Variants in B9D1 observed in about 807,000 individuals in gnomAD.
B9D1 encodes the protein B9 domain-containing protein 1.
A neutral mutation model predicts 26.1 loss-of-function variants in B9D1; 20 were observed. That is an observed-to-expected ratio of 0.77 (90% CI 0.54 to 1.12). B9D1 has a LOEUF of 1.12. Among genes scored for constraint, B9D1 ranks in the 50% most tolerant of loss-of-function variants. B9D1 has a pLI of 0.00. For synonymous variants in B9D1, 105 were observed against 103.1 expected (o/e 1.02, Z -0.11); for missense variants, 260 against 273.7 (o/e 0.95, Z 0.35).
At chr17:19,341,697 G>A (rs185763271), downstream of B9D1, among the ~76,000 whole-genome samples, 2 of 152,334 alleles carry the variant, frequency 1.3e-5, no homozygotes, top group Non-Finnish European at 1.5e-5. Flanking sequence ...TGGATGGAAC[G>A]CGAGCCGTTG....
At chr17:19,361,903 C>T (rs1435694600) in intron 1 of B9D1, among the ~76,000 whole-genome samples, 1 of 152,180 alleles carries the variant, frequency 6.6e-6, no homozygotes, top group Non-Finnish European at 1.5e-5. Flanking sequence ...TCTGGTAAGG[C>T]TGTAAGGGTG....
intron 3 of B9D1, among the ~76,000 whole-genome samples, chr17:19,352,614 C>T (rs1345030167): frequency 2.0e-5 from 3 of 150,842 alleles, no homozygotes; most frequent in East Asian, 2.0e-4. Flanking sequence ...CTCCACCTCC[C>T]GGGTTCAAGT....
upstream of B9D1, chr17:19,363,025 A>C: frequency 4.6e-6 from 1 of 217,688 alleles, no homozygotes; most frequent in Non-Finnish European, 9.7e-6. Flanking sequence ...ACATTCAGCC[A>C]CTAGATGTCG....
chr17:19,357,582 C>T (rs972127921), intron 3 of B9D1: 19 of 515,720 alleles, frequency 3.7e-5, no homozygotes, highest in African/African-American at 2.9e-4. Context: ...CTTTTACAGG[C>T]GTGGCCACTA....
At chr17:19,360,455 G>A in intron 1 of B9D1, 67 bp from the exon 2 acceptor site, 1 of 1,433,640 alleles carries the variant, frequency 7.0e-7, no homozygotes, top group Non-Finnish European at 9.8e-7. Context: ...TTGCTAGGCA[G>A]GTGCAGCCAA....
chr17:19,347,436 C>A lies in B9D1; in HGVS notation c.342-105G>T. On this transcript the variant is annotated intron_variant, in intron 4 of 6. Coordinates refer to ENST00000261499, the MANE Select transcript of B9D1 (RefSeq NM_015681.6). The surrounding 1 kb of genome is among the most constrained non-coding windows in gnomAD (Gnocchi z 4.3). ...AGGCCAGTGCAGCTGCAGCGTGGGC[C>A]AAGTCAGGGCCAATGTCAACGAATC... The A allele has an allele frequency of 2.2e-6, 3 of 1,338,710 alleles. No individual in the cohort carries two copies. In the South Asian group the frequency reaches 3.6e-5, roughly 16 times the overall value. The allele number at this position is 1,338,710 out of a possible 1,614,324, so 82.9% of individuals were successfully genotyped here.
chr17:19,370,865 A>G lies in B9D1; in HGVS notation c.-298+6994T>C, dbSNP rs1484922029. 6.6e-6 allele frequency among the ~76,000 whole-genome samples: 1 copy of G among 152,218 alleles called. No individual in the cohort carries two copies. Among genetic ancestry groups the G allele is most frequent in the East Asian group, 1.9e-4 (1 of 5,196 alleles). ...CTTTCCCACGGGGAGGGCCGCATGC[A>G]AATGCCACACTGAGCTGAGCCAAGG... On this transcript the variant is annotated intron_variant, in intron 1 of 5. Coordinates refer to the B9D1 transcript ENST00000477478. The surrounding 1 kb of genome is among the most constrained non-coding windows in gnomAD (Gnocchi z 5.1).
At chr17:19,361,455 G>C (rs1426949983) in intron 1 of B9D1, among the ~76,000 whole-genome samples, 2 of 152,144 alleles carry the variant, frequency 1.3e-5, no homozygotes, top group South Asian at 2.1e-4. Flanking sequence ...GGGAGGTGCT[G>C]AGAGCAGAGC....
intron 5 of B9D1, chr17:19,346,839 C>T: frequency 8.3e-7 from 1 of 1,207,052 alleles, no homozygotes; most frequent in African/African-American, 1.5e-5. Flanking sequence ...TTCCCCGGCT[C>T]TTCCCTCCAC....
chr17:19,369,683 A>G (rs1201361469), intron 1 of B9D1, among the ~76,000 whole-genome samples: 1 of 152,136 alleles, frequency 6.6e-6, no homozygotes, highest in Admixed American at 6.5e-5. Flanking sequence ...AGCAAAGAAA[A>G]ATACAGGATG....
At chr17:19,337,850 G>A, downstream of B9D1, 2 of 427,316 alleles carry the variant, frequency 4.7e-6, no homozygotes, top group Non-Finnish European at 4.6e-6. Flanking sequence ...TAGGCCCTCG[G>A]CCCCCATCCA....
chr17:19,375,794 T>C (rs1330730512), intron 1 of B9D1, among the ~76,000 whole-genome samples: 2 of 152,192 alleles, frequency 1.3e-5, no homozygotes, highest in African/African-American at 4.8e-5. Flanking sequence ...AACTCTTAAA[T>C]ATTGCTGGTG....
At chr17:19,369,365 T>C (rs1291728509) in intron 1 of B9D1, among the ~76,000 whole-genome samples, 1 of 152,248 alleles carries the variant, frequency 6.6e-6, no homozygotes, top group Non-Finnish European at 1.5e-5. Context: ...CGGTGTGTCA[T>C]GCTGGTAGCT....
chr17:19,356,815 T>C (rs974917209), intron 3 of B9D1, among the ~76,000 whole-genome samples: 17 of 152,230 alleles, frequency 1.1e-4, no homozygotes, highest in Non-Finnish European at 1.2e-4. Flanking sequence ...AGTTGCTTTT[T>C]GTTTTTGCTT....
chr17:19,373,559 T>G (rs925305897), intron 1 of B9D1, among the ~76,000 whole-genome samples: 2 of 151,946 alleles, frequency 1.3e-5, no homozygotes, highest in African/African-American at 4.8e-5. Flanking sequence ...GCCCAGCTAA[T>G]TTTTGTATTT....
chr17:19,351,820 T>C (rs1026960338), intron 3 of B9D1, among the ~76,000 whole-genome samples: 1 of 152,232 alleles, frequency 6.6e-6, no homozygotes, highest in Non-Finnish European at 1.5e-5. Context: ...TTATATCTTA[T>C]CTTTTTACTG....
chr17:19,341,179 G>C, downstream of B9D1: 1 of 1,231,374 alleles, frequency 8.1e-7, no homozygotes, highest in Non-Finnish European at 1.0e-6. Flanking sequence ...TGACAGGCTG[G>C]ACAAATGGGG....
At position 19,343,338 on chromosome 17, in the gene B9D1, G is replaced by A. The variant is rs754944872; in HGVS notation, c.596C>T (p.Pro199Leu). ...DTQGVLGPSP[P>L]QSFPQ is the part of the protein sequence containing the mutation. The stretch of plus-strand genomic sequence containing the variant: ...GAGCCTTCACTGGGGGAAGCTCTGG[G>A]GTGGGCTGGGCCCCAACACACCCTG... The change falls in exon 7 of 7, where the codon CCC (proline) becomes CTC (leucine). Residue 199 changes from proline to leucine, a missense_variant. Pro to Leu is a moderately conservative substitution (Grantham distance 98, BLOSUM62 -3). Transcript: ENST00000261499. 1.2e-6 allele frequency: 2 copies of A among 1,614,168 alleles called. No homozygotes were observed. Among genetic ancestry groups the A allele is most frequent in the Non-Finnish European group, 1.7e-6 (2 of 1,180,016 alleles).
intron 5 of B9D1, among the ~76,000 whole-genome samples, chr17:19,346,649 T>C (rs975864925): frequency 2.0e-5 from 3 of 152,122 alleles, no homozygotes; most frequent in African/African-American, 4.8e-5. Flanking sequence ...CCCTGGGCCC[T>C]CCCTGCAGGC....
Sources: gnomAD v4.1 joint callset for allele counts (sites outside exome capture counted in the v4.1 genomes callset) on GRCh38, gnomAD v4.1.1 for gene constraint, Gnocchi (gnomAD v3.1) non-coding constraint, MANE v1.5 for transcripts, NCBI Gene and HGNC (gene_info 2026-07-23, HGNC 2026-07-21) for gene names.